GMDS: variants seen among roughly 807,000 people sequenced by gnomAD.
GMDS encodes GDP-mannose 4,6-dehydratase.
In GMDS, 20 loss-of-function variants were observed where a neutral mutation model predicts 49.9. The ratio of observed to expected loss-of-function variants is 0.40; its 90% CI spans 0.28 to 0.58. The LOEUF is 0.58. GMDS is among the 20% of genes least tolerant of loss of function. The probability of loss-of-function intolerance (pLI) is 0.42; values close to 1 mark genes in which losing one functional copy is unlikely to be tolerated. For missense variants in GMDS, 362 were observed against 481.4 expected (o/e 0.75, Z 2.32); for synonymous variants, 177 against 178.6 (o/e 0.99, Z 0.07).
chr6:1,755,720 T>C (rs555789643), intron 7 of GMDS, among the ~76,000 whole-genome samples: 2 of 152,244 alleles, frequency 1.3e-5, no homozygotes, highest in South Asian at 4.1e-4. Context: ...TGCAGAAAAC[T>C]GAAAATGGAC....
chr6:1,726,605 C>A (rs1362161484), intron 8 of GMDS, 93 bp from the exon 9 acceptor site: 1 of 874,730 alleles, frequency 1.1e-6, no homozygotes, highest in Admixed American at 1.8e-5. Flanking sequence ...CCTCTCCCCG[C>A]AGGAGCGCTT....
chr6:1,733,422 T>C (rs958067687), intron 8 of GMDS, among the ~76,000 whole-genome samples: 7 of 152,130 alleles, frequency 4.6e-5, no homozygotes, highest in African/African-American at 1.7e-4. Flanking sequence ...AGGTGGCTCC[T>C]TGATGCCTTT....
chr6:2,144,359 C>T (rs1004295422), intron 1 of GMDS, among the ~76,000 whole-genome samples: 14 of 152,184 alleles, frequency 9.2e-5, no homozygotes, highest in African/African-American at 2.7e-4. Context: ...CACACTGGAA[C>T]GCCTCAGGCT....
intron 4 of GMDS, among the ~76,000 whole-genome samples, chr6:2,051,109 T>TA (rs1050264737): frequency 9.9e-5 from 15 of 151,462 alleles, no homozygotes; most frequent in South Asian, 4.2e-4. Context: ...AAATACAATT[T>TA]AAAAAAAACA....
chr6:2,098,237 T>C (rs1226603775), intron 4 of GMDS, among the ~76,000 whole-genome samples: 1 of 152,182 alleles, frequency 6.6e-6, no homozygotes, highest in Non-Finnish European at 1.5e-5. Flanking sequence ...TTTTATATTT[T>C]AGTAGAGATG....
At chr6:1,663,144 T>C (rs1017875929) in intron 9 of GMDS, among the ~76,000 whole-genome samples, 2 of 152,234 alleles carry the variant, frequency 1.3e-5, no homozygotes, top group African/African-American at 2.4e-5. Flanking sequence ...GAGCAGACTG[T>C]AGCTTTTCAT....
Position 1,659,551 on chromosome 6 carries a change from G to C in GMDS, c.988-35011C>G, listed in dbSNP as rs533339798. On this transcript the variant is annotated intron_variant, in intron 9 of 10. Transcript: ENST00000380815. ...TACCCAGATAGGTTCAGGCAAGGAA[G>C]GGGCTGGGTGGACAGGAAAAGGTTG... Among the ~76,000 whole-genome samples the C allele has an allele frequency of 4.9e-4, 75 of 152,290 alleles. 1 individual carries two copies. The highest frequency in any genetic ancestry group is 1.6e-3 in the African/African-American group (67 of 41,558).
At chr6:1,866,896 A>G (rs1758467172) in intron 7 of GMDS, among the ~76,000 whole-genome samples, 1 of 152,250 alleles carries the variant, frequency 6.6e-6, no homozygotes, top group Non-Finnish European at 1.5e-5. Flanking sequence ...CATCTGACAC[A>G]CACCATGCTC....
chr6:1,831,956 G>T (rs970730429), intron 7 of GMDS, among the ~76,000 whole-genome samples: 1 of 151,694 alleles, frequency 6.6e-6, no homozygotes, highest in Non-Finnish European at 1.5e-5. Context: ...TTTGTTTTTA[G>T]AACAAAAAAC....
At chr6:2,221,639 C>T (rs562085734) in intron 1 of GMDS, among the ~76,000 whole-genome samples, 4 of 152,332 alleles carry the variant, frequency 2.6e-5, no homozygotes, top group Admixed American at 2.6e-4. Context: ...CCGACTGCCT[C>T]GGCCTCCCAA....
intron 1 of GMDS, among the ~76,000 whole-genome samples, chr6:2,220,632 T>C (rs1402755425): frequency 6.6e-6 from 1 of 152,182 alleles, no homozygotes; most frequent in African/African-American, 2.4e-5. Flanking sequence ...AATTACTTAA[T>C]GTGTTGTATA....
chr6:2,053,429 T>A (rs866660497), intron 4 of GMDS, among the ~76,000 whole-genome samples: 1 of 152,086 alleles, frequency 6.6e-6, no homozygotes, highest in African/African-American at 2.4e-5. Context: ...AAATGGCATA[T>A]ACACAATGCA....
chr6:1,744,826 G>C lies in GMDS; in HGVS notation c.772-2240C>G, dbSNP rs573553485. 3.0e-4 allele frequency among the ~76,000 whole-genome samples: 46 copies of C among 152,356 alleles called. No individual in the cohort carries two copies. The South Asian group carries it at 5.4e-3, about 18-fold the overall frequency. On this transcript the variant is annotated intron_variant, in intron 7 of 10. Transcript: ENST00000380815. ...GACCTCTCTCTAGGTCCCGGACCAG[G>C]GTCCCAAGTCTAGCCACTGGAATGA...
chr6:1,978,064 G>T (rs1156900441), intron 4 of GMDS, among the ~76,000 whole-genome samples: 1 of 152,208 alleles, frequency 6.6e-6, no homozygotes, highest in Non-Finnish European at 1.5e-5. Flanking sequence ...ACAGAGTGGA[G>T]ACTGCCTGAG....
At chr6:2,208,578 G>A (rs1400619796) in intron 1 of GMDS, among the ~76,000 whole-genome samples, 3 of 152,170 alleles carry the variant, frequency 2.0e-5, no homozygotes, top group Non-Finnish European at 4.4e-5. Flanking sequence ...ACTGATGGAG[G>A]CCCACATATG....
intron 4 of GMDS, among the ~76,000 whole-genome samples, chr6:2,053,015 T>C (rs1048185777): frequency 1.3e-5 from 2 of 152,206 alleles, no homozygotes; most frequent in Non-Finnish European, 2.9e-5. Flanking sequence ...GCAAGATCCT[T>C]ACATACCACT....
intron 1 of GMDS, among the ~76,000 whole-genome samples, chr6:2,221,672 GC>G (rs995240942): frequency 6.6e-6 from 1 of 152,220 alleles, no homozygotes; most frequent in African/African-American, 2.4e-5. Flanking sequence ...ACAGGAGTGA[GC>G]CACCATGCCC....
intron 7 of GMDS, among the ~76,000 whole-genome samples, chr6:1,855,630 C>T (rs1473810156): frequency 6.6e-6 from 1 of 152,044 alleles, no homozygotes; most frequent in Non-Finnish European, 1.5e-5. Flanking sequence ...CTCAAAGATC[C>T]ACTGAGAGAA....
chr6:1,971,431 T>C (rs943628788), intron 4 of GMDS, among the ~76,000 whole-genome samples: 13 of 152,232 alleles, frequency 8.5e-5, no homozygotes, highest in Non-Finnish European at 1.6e-4. Flanking sequence ...TGGAACATCA[T>C]ACAGTCACAG....
Sources: gnomAD v4.1 joint callset for allele counts (sites outside exome capture counted in the v4.1 genomes callset) on GRCh38, gnomAD v4.1.1 for gene constraint, MANE v1.5 for transcripts, NCBI Gene and HGNC (gene_info 2026-07-23, HGNC 2026-07-21) for gene names.